Variants in ERC2 observed in about 807,000 individuals in gnomAD.
The protein encoded by ERC2 is ELKS/RAB6-interacting/CAST family member 2.
In ERC2, 42 loss-of-function variants were observed where a neutral mutation model predicts 114.8. The observed-to-expected ratio is 0.37, with a 90% CI of 0.29 to 0.47. The LOEUF (loss-of-function observed/expected upper bound fraction) is 0.47. Among genes scored for constraint, ERC2 ranks in the 20% least tolerant of loss-of-function variants. The pLI, the probability that ERC2 is intolerant of heterozygous loss-of-function variation, is 0.99. For synonymous variants in ERC2, 454 were observed against 425.5 expected (o/e 1.07, Z -0.82); for missense variants, 939 against 1,150.7 (o/e 0.82, Z 2.66).
At position 55,719,668 on chromosome 3, in the gene ERC2, G is replaced by T. The variant is rs2064334895; in HGVS notation, c.2712+15103C>A. Among the ~76,000 whole-genome samples the T allele has an allele frequency of 3.9e-5, 6 of 151,986 alleles. No individual in the cohort carries two copies. In the South Asian group the frequency reaches 1.3e-3, roughly 32 times the overall value. ...ATAAATCAGCAACACTTAAGTGTCT[G>T]GTTCATAAAAAATAAACCCCCAGAG... is the stretch of plus-strand genomic sequence containing the variant. On this transcript the variant is annotated intron_variant, in intron 15 of 17. Coordinates refer to ENST00000288221, the MANE Select transcript of ERC2 (RefSeq NM_015576.3).
chr3:56,463,381 C>A (rs539153954), intron 1 of ERC2, among the ~76,000 whole-genome samples: 1 of 152,234 alleles, frequency 6.6e-6, no homozygotes, highest in Non-Finnish European at 1.5e-5. Context: ...GTCTCACTCA[C>A]TACATTTTCA....
At chr3:55,653,708 G>A (rs1471493432) in intron 17 of ERC2, among the ~76,000 whole-genome samples, 1 of 152,046 alleles carries the variant, frequency 6.6e-6, no homozygotes, top group Non-Finnish European at 1.5e-5. Context: ...CTTCTAGACT[G>A]TTTAACTTTT....
chr3:56,441,859 A>C (rs2062326516), intron 1 of ERC2, among the ~76,000 whole-genome samples: 2 of 152,240 alleles, frequency 1.3e-5, no homozygotes, highest in African/African-American at 4.8e-5. Context: ...CCCTGGGATA[A>C]ATTTTAAAAG....
chr3:55,753,972 G>C (rs534922144), intron 14 of ERC2, among the ~76,000 whole-genome samples: 1 of 152,090 alleles, frequency 6.6e-6, no homozygotes, highest in Non-Finnish European at 1.5e-5. Context: ...TGTAAAATGA[G>C]AATCCTAATA....
chr3:55,697,894 G>GA (rs1445877167), intron 16 of ERC2, among the ~76,000 whole-genome samples: 3 of 151,932 alleles, frequency 2.0e-5, no homozygotes, highest in Admixed American at 1.3e-4. Flanking sequence ...ATGCCAAGGA[G>GA]AAAAAGGCAG....
At chr3:55,572,216 G>C (rs1255086259) in intron 17 of ERC2, among the ~76,000 whole-genome samples, 1 of 152,164 alleles carries the variant, frequency 6.6e-6, no homozygotes, top group Non-Finnish European at 1.5e-5. Context: ...TGCACTTCAG[G>C]AGCAGCCCAG....
chr3:55,610,077 A>AC (rs1263923725), intron 17 of ERC2, among the ~76,000 whole-genome samples: 2 of 151,762 alleles, frequency 1.3e-5, no homozygotes, highest in Non-Finnish European at 2.9e-5. Flanking sequence ...AAAAAAAAAA[A>AC]AAAAAAACAA....
At chr3:56,323,091 G>C (rs2057200910) in intron 2 of ERC2, among the ~76,000 whole-genome samples, 1 of 152,148 alleles carries the variant, frequency 6.6e-6, no homozygotes, top group South Asian at 2.1e-4. Flanking sequence ...AGCAGCATGA[G>C]ACTCTCACCA....
intron 17 of ERC2, among the ~76,000 whole-genome samples, chr3:55,555,680 G>A (rs2055552508): frequency 1.3e-5 from 2 of 152,226 alleles, no homozygotes; most frequent in Admixed American, 6.5e-5. Flanking sequence ...ACAGTTAAGT[G>A]AGATGAAGCC....
intron 7 of ERC2, among the ~76,000 whole-genome samples, chr3:56,070,877 C>T (rs1688361162): frequency 6.6e-6 from 1 of 152,194 alleles, no homozygotes; most frequent in African/African-American, 2.4e-5. Flanking sequence ...TCCTGCCAAA[C>T]CTTTGCAAAT....
At chr3:55,799,860 A>G (rs2070897035) in intron 14 of ERC2, among the ~76,000 whole-genome samples, 1 of 152,144 alleles carries the variant, frequency 6.6e-6, no homozygotes, top group Non-Finnish European at 1.5e-5. Context: ...CCATTGACCC[A>G]ACAGTCAGAG....
chr3:55,577,630 C>G (rs2057050331), intron 17 of ERC2, among the ~76,000 whole-genome samples: 1 of 152,132 alleles, frequency 6.6e-6, no homozygotes. Context: ...CTAAAGACAT[C>G]CCCATAGTCA....
intron 17 of ERC2, among the ~76,000 whole-genome samples, chr3:55,630,068 G>A (rs187287923): frequency 1.3e-5 from 2 of 152,332 alleles, no homozygotes; most frequent in Admixed American, 1.3e-4. Context: ...GACTGGGGGA[G>A]CCCTTGTGAG....
At chr3:56,105,392 CA>C (rs1340124645) in intron 6 of ERC2, among the ~76,000 whole-genome samples, 1 of 104,914 alleles carries the variant, frequency 9.5e-6, no homozygotes, top group African/African-American at 4.1e-5. Flanking sequence ...CAACTCCAAC[CA>C]ACTCCAACTC....
chr3:55,750,333 A>C (rs1316491258), intron 14 of ERC2, among the ~76,000 whole-genome samples: 3 of 152,224 alleles, frequency 2.0e-5, no homozygotes, highest in Non-Finnish European at 4.4e-5. Context: ...TGCTCAAAAT[A>C]GCCTTCCAAG....
intron 3 of ERC2, among the ~76,000 whole-genome samples, chr3:56,229,138 T>C (rs927569908): frequency 1.3e-5 from 2 of 152,190 alleles, no homozygotes; most frequent in African/African-American, 2.4e-5. Context: ...TTATTCCTAT[T>C]TATTGAGGAT....
At chr3:55,711,102 C>T (rs2063755051) in intron 15 of ERC2, among the ~76,000 whole-genome samples, 1 of 152,170 alleles carries the variant, frequency 6.6e-6, no homozygotes, top group South Asian at 2.1e-4. Context: ...GTATTAATTT[C>T]CATTCTTTCA....
chr3:56,361,764 G>A (rs114982556), intron 2 of ERC2, among the ~76,000 whole-genome samples: 111 of 152,332 alleles, frequency 7.3e-4, no homozygotes, highest in African/African-American at 2.6e-3. Context: ...TTACTGCAGG[G>A]ACAGGGGTTA....
intron 3 of ERC2, among the ~76,000 whole-genome samples, chr3:56,186,246 T>TAA (rs2083605606): frequency 6.6e-6 from 1 of 151,550 alleles, no homozygotes; most frequent in Admixed American, 6.6e-5. Flanking sequence ...TGTGAGCTAA[T>TAA]AAATCTGTGT....
Sources: allele counts gnomAD v4.1 joint callset (sites outside exome capture counted in the v4.1 genomes callset), GRCh38; gene constraint gnomAD v4.1.1; transcripts MANE v1.5; gene names NCBI Gene and HGNC (gene_info 2026-07-23, HGNC 2026-07-21).